Variants in ELF1 observed in about 807,000 individuals in gnomAD.
ELF1 encodes the protein E74 like ETS transcription factor 1, also known as ETS-related transcription factor Elf-1.
A neutral mutation model predicts 59.9 loss-of-function variants in ELF1; 24 were observed. The ratio of observed to expected loss-of-function variants is 0.40; its 90% CI spans 0.29 to 0.56. The LOEUF is 0.56. Ranked by LOEUF, ELF1 falls within the 20% of genes least tolerant of loss-of-function variation. The pLI is 0.44. For missense variants in ELF1, 627 were observed against 742.2 expected (o/e 0.84, Z 1.80); for synonymous variants, 248 against 266.2 (o/e 0.93, Z 0.67).
At chr13:41,033,870 G>C (rs1481350127) in intron 1 of ELF1, among the ~76,000 whole-genome samples, 1 of 152,152 alleles carries the variant, frequency 6.6e-6, no homozygotes, top group African/African-American at 2.4e-5. Flanking sequence ...CATTGATGGA[G>C]AACAGATCAG....
At chr13:40,946,310 T>G (rs943596820) in intron 5 of ELF1, among the ~76,000 whole-genome samples, 30 of 152,242 alleles carry the variant, frequency 2.0e-4, no homozygotes, top group African/African-American at 6.8e-4. Context: ...GTTTTGACTA[T>G]GTATACTAAC....
intron 1 of ELF1, among the ~76,000 whole-genome samples, chr13:41,025,133 T>C (rs976895471): frequency 5.9e-5 from 9 of 152,232 alleles, no homozygotes; most frequent in African/African-American, 1.4e-4. Context: ...TTCCCTAACT[T>C]TTCCAGCCCT....
chr13:40,942,503 G>T (rs1277214805), intron 7 of ELF1, among the ~76,000 whole-genome samples: 2 of 152,076 alleles, frequency 1.3e-5, no homozygotes, highest in African/African-American at 4.8e-5. Context: ...TATCATACTT[G>T]CAATTCATGT....
intron 1 of ELF1, among the ~76,000 whole-genome samples, chr13:40,988,684 T>G (rs1254005627): frequency 6.6e-6 from 1 of 152,244 alleles, no homozygotes; most frequent in African/African-American, 2.4e-5. Flanking sequence ...GCCTTACATT[T>G]TCACTCAGCC....
At chr13:40,976,555 GT>G (rs1872913767) in intron 2 of ELF1, among the ~76,000 whole-genome samples, 1 of 152,144 alleles carries the variant, frequency 6.6e-6, no homozygotes. Context: ...GTTTTGTTTT[GT>G]TTTAGACGGA....
intron 1 of ELF1, among the ~76,000 whole-genome samples, chr13:41,045,783 A>C (rs1388828932): frequency 6.6e-6 from 1 of 152,198 alleles, no homozygotes; most frequent in Non-Finnish European, 1.5e-5. Context: ...AGTTCTGTAG[A>C]TGTCTATTAG....
At chr13:41,033,638 C>A (rs773214716) in intron 1 of ELF1, among the ~76,000 whole-genome samples, 1 of 152,148 alleles carries the variant, frequency 6.6e-6, no homozygotes, top group Non-Finnish European at 1.5e-5. Flanking sequence ...GGAGAGGAAA[C>A]CCTATTGTGA....
At chr13:41,036,807 A>G (rs993281080) in intron 1 of ELF1, among the ~76,000 whole-genome samples, 1 of 152,206 alleles carries the variant, frequency 6.6e-6, no homozygotes, top group African/African-American at 2.4e-5. Flanking sequence ...CTTTGTACAG[A>G]TATGGATGAA....
chr13:41,000,889 ATAAT>A (rs1227430810), intron 1 of ELF1, among the ~76,000 whole-genome samples: 2 of 152,242 alleles, frequency 1.3e-5, no homozygotes, highest in African/African-American at 4.8e-5. Context: ...CATAAAATAA[ATAAT>A]TAGATACAAC....
chr13:41,020,961 T>C (rs1319452759), upstream of ELF1, among the ~76,000 whole-genome samples: 2 of 152,140 alleles, frequency 1.3e-5, no homozygotes, highest in Non-Finnish European at 1.5e-5. Context: ...TAGCTGATAA[T>C]GACATTAAAA....
Position 41,038,132 on chromosome 13 carries a change from C to CAGGAATA in ELF1, c.-229+22699_-229+22705dup, listed in dbSNP as rs151215745. Among the ~76,000 whole-genome samples, 698 of 145,816 alleles carry CAGGAATA rather than the reference C, an allele frequency of 4.8e-3. 3 individuals carry two copies. Among genetic ancestry groups the CAGGAATA allele is most frequent in the Middle Eastern group, 0.011 (3 of 270 alleles). On this transcript the variant is annotated intron_variant, in intron 1 of 1. Coordinates refer to the ELF1 transcript ENST00000405737. ...ACAAATTACCTCAAGCAGCTAAGTA[C>CAGGAATA]AGGAATAAATAGGACAGGATGTAAA...
chr13:40,959,262 C>A (rs2031661), intron 2 of ELF1, among the ~76,000 whole-genome samples: 6 of 151,966 alleles, frequency 3.9e-5, no homozygotes, highest in South Asian at 2.1e-4. Flanking sequence ...TCTGGGAGGC[C>A]GAGGCAGGCA....
chr13:41,055,621 A>C (rs984196045), intron 1 of ELF1, among the ~76,000 whole-genome samples: 4 of 152,098 alleles, frequency 2.6e-5, no homozygotes, highest in African/African-American at 9.7e-5. Flanking sequence ...TTTAATAAGC[A>C]CTTACCACAT....
At chr13:40,994,441 A>G (rs1289269592) in intron 1 of ELF1, among the ~76,000 whole-genome samples, 1 of 152,198 alleles carries the variant, frequency 6.6e-6, no homozygotes, top group Non-Finnish European at 1.5e-5. Context: ...TCAGGAGTTC[A>G]AGACCAGCCT....
chr13:40,946,718 G>A (rs910520872), intron 5 of ELF1, among the ~76,000 whole-genome samples: 1 of 152,048 alleles, frequency 6.6e-6, no homozygotes, highest in Non-Finnish European at 1.5e-5. Flanking sequence ...GAAGACCTTT[G>A]GCCAGGCATG....
At chr13:40,965,754 C>T (rs1476647750) in intron 2 of ELF1, among the ~76,000 whole-genome samples, 1 of 152,210 alleles carries the variant, frequency 6.6e-6, no homozygotes, top group African/African-American at 2.4e-5. Flanking sequence ...AAACTCTCAT[C>T]ATTTAAATAA....
chr13:41,018,755 A>G (rs1043666284), intron 1 of ELF1, among the ~76,000 whole-genome samples: 11 of 152,206 alleles, frequency 7.2e-5, no homozygotes, highest in Non-Finnish European at 1.6e-4. Context: ...AGCAACACCT[A>G]TGGCTGAGTT....
intron 5 of ELF1, among the ~76,000 whole-genome samples, chr13:40,947,124 CAA>C (rs538619972): frequency 1.9e-4 from 21 of 111,476 alleles, no homozygotes; most frequent in Admixed American, 2.8e-4. Context: ...GACTCCATCT[CAA>C]AAAAAAAAAA....
chr13:40,999,756 C>T (rs1738291365), intron 1 of ELF1, among the ~76,000 whole-genome samples: 1 of 152,196 alleles, frequency 6.6e-6, no homozygotes, highest in Non-Finnish European at 1.5e-5. Context: ...TCATTAATTA[C>T]TTAAAATAGA....
Sources: gnomAD v4.1 joint callset for allele counts (sites outside exome capture counted in the v4.1 genomes callset) on GRCh38, gnomAD v4.1.1 for gene constraint, MANE v1.5 for transcripts, NCBI Gene and HGNC (gene_info 2026-07-23, HGNC 2026-07-21) for gene names.